The following EFHC2 variants were observed in gnomAD, a reference collection of about 807,000 sequenced individuals.
The protein encoded by EFHC2 is EF-hand domain-containing family member C2.
Under a neutral mutation model 52.7 loss-of-function variants are expected in EFHC2, and 18 were observed. The ratio of observed to expected loss-of-function variants is 0.34; its 90% CI spans 0.24 to 0.51. The LOEUF is 0.51. Among genes scored for constraint, EFHC2 ranks in the 20% least tolerant of loss-of-function variants. The pLI is 0.97. For synonymous variants in EFHC2, 203 were observed against 204.1 expected, an observed-to-expected ratio of 0.99 and a Z score of 0.04; for missense variants, 513 against 562.5, an observed-to-expected ratio of 0.91 and a Z score of 0.89.
rs142455451 is a variant in EFHC2, at chrX:44,174,699, G to A, written c.2042+1593C>T. Among the ~76,000 whole-genome samples the A allele has an allele frequency of 2.7e-4, 29 of 107,474 alleles. No homozygotes were observed. The East Asian group carries it at 8.2e-3, about 31-fold the overall frequency. 93.3% of individuals were successfully genotyped at this position (107,474 alleles called of 115,157 possible). On this transcript the variant is annotated intron_variant, in intron 13 of 14. Coordinates refer to ENST00000420999, the MANE Select transcript of EFHC2 (RefSeq NM_025184.4). Reference sequence around the variant, plus strand: ...GAGGTATATGTGTAATATGCTAAACGGCCCATGTGGCTGGACTACTGGGAA... The same window carrying A: ...GAGGTATATGTGTAATATGCTAAACAGCCCATGTGGCTGGACTACTGGGAA...
chrX:44,293,311 G>A (rs890078829), intron 2 of EFHC2, among the ~76,000 whole-genome samples: 2 of 111,014 alleles, frequency 1.8e-5, no homozygotes, highest in Admixed American at 9.5e-5. Flanking sequence ...AAGTGCCCCT[G>A]ATTTTATCAA....
intron 14 of EFHC2, among the ~76,000 whole-genome samples, chrX:44,157,517 C>G (rs1304922288): frequency 1.8e-5 from 2 of 111,232 alleles, no homozygotes; most frequent in East Asian, 5.7e-4. Context: ...TGTGAAGCAG[C>G]ATCAGGAGAT....
At chrX:44,226,992 TCA>T (rs2037238076) in intron 11 of EFHC2, among the ~76,000 whole-genome samples, 2 of 109,480 alleles carry the variant, frequency 1.8e-5, no homozygotes, top group Non-Finnish European at 3.8e-5. Context: ...GAGAATTATC[TCA>T]GAGAATTATT....
At chrX:44,222,864 T>C (rs1238182867) in intron 11 of EFHC2, among the ~76,000 whole-genome samples, 1 of 111,710 alleles carries the variant, frequency 9.0e-6, no homozygotes, top group African/African-American at 3.3e-5. Flanking sequence ...AACTCACATA[T>C]CTATCACCTC....
At chrX:44,329,764 G>A (rs1016309223) in intron 1 of EFHC2, among the ~76,000 whole-genome samples, 4 of 108,094 alleles carry the variant, frequency 3.7e-5, no homozygotes, top group African/African-American at 1.4e-4. Flanking sequence ...CACCACACCG[G>A]GCTTTTTTGT....
intron 2 of EFHC2, among the ~76,000 whole-genome samples, chrX:44,289,149 T>A (rs776548095): frequency 1.8e-5 from 2 of 111,780 alleles, no homozygotes; most frequent in South Asian, 7.5e-4. Context: ...TGTTATTCTT[T>A]TATCTTTCAA....
At chrX:44,211,705 CA>C (rs1219542584) in intron 11 of EFHC2, among the ~76,000 whole-genome samples, 1 of 106,352 alleles carries the variant, frequency 9.4e-6, no homozygotes, top group African/African-American at 3.4e-5. Flanking sequence ...ACTAAACATA[CA>C]AAAAAAATAC....
intron 4 of EFHC2, among the ~76,000 whole-genome samples, chrX:44,254,361 G>T (rs373942383): frequency 8.9e-6 from 1 of 111,913 alleles, no homozygotes; most frequent in African/African-American, 3.3e-5. Context: ...ATGCAAGGAA[G>T]CTAAGAACCT....
chrX:44,160,807 A>G (rs970100710), intron 14 of EFHC2, among the ~76,000 whole-genome samples: 1 of 111,071 alleles, frequency 9.0e-6, no homozygotes, highest in East Asian at 2.8e-4. Context: ...CTATAGTCCC[A>G]GCTACTCAGG....
intron 14 of EFHC2, among the ~76,000 whole-genome samples, chrX:44,158,878 C>G (rs1432745186): frequency 8.9e-6 from 1 of 112,007 alleles, no homozygotes; most frequent in South Asian, 3.7e-4. Context: ...GGTTGCCAAG[C>G]TGTGATATAC....
chrX:44,196,023 C>T (rs1338665550), intron 11 of EFHC2, among the ~76,000 whole-genome samples: 1 of 111,518 alleles, frequency 9.0e-6, no homozygotes, highest in Non-Finnish European at 1.9e-5. Flanking sequence ...TTCAGGTGAT[C>T]CTCCCACCTC....
At chrX:44,286,951 A>G (rs1348056131) in intron 2 of EFHC2, among the ~76,000 whole-genome samples, 37 of 99,395 alleles carry the variant, frequency 3.7e-4, no homozygotes, top group African/African-American at 1.2e-3. Flanking sequence ...ACTTGAATCC[A>G]GGAGTCTCAG....
intron 11 of EFHC2, among the ~76,000 whole-genome samples, chrX:44,184,639 C>T (rs1382339063): frequency 9.3e-6 from 1 of 107,544 alleles, no homozygotes; most frequent in Non-Finnish European, 1.9e-5. Flanking sequence ...AGAAGAATCG[C>T]TTGAACCTGG....
In EFHC2 at chrX:44,232,582, C is replaced by G. The variant is rs3747354; in HGVS notation, c.1519G>C (p.Glu507Gln). 5.1e-3 allele frequency: 6,077 copies of G among 1,193,311 alleles called. 127 individuals carry two copies. The East Asian group carries it at 0.087, about 17-fold the overall frequency. The change falls in exon 10 of 15, where the codon GAG (glutamate) becomes CAG (glutamine). Residue 507 changes from glutamate (E) to glutamine (Q), a missense_variant. Physicochemically the swap from Glu to Gln is conservative, Grantham distance 29 (BLOSUM62 2). Coordinates refer to ENST00000420999, the MANE Select transcript of EFHC2 (RefSeq NM_025184.4). The stretch of plus-strand genomic sequence containing the variant: ...TTCACCGTGACTCCAATGTACAGCT[C>G]CTCGGCCTTGATATATTCAGATAGT... ...SELSEYIKAE[E>Q]LYIGVTVNVN...
intron 4 of EFHC2, 69 bp from the exon 5 acceptor site, chrX:44,250,514 A>G (rs1006695168): frequency 4.9e-5 from 53 of 1,083,846 alleles, no homozygotes; most frequent in Non-Finnish European, 6.0e-5. Flanking sequence ...ATACACAATC[A>G]AGTGACAAAT....
At chrX:44,332,243 G>GT (rs1293425613) in intron 1 of EFHC2, among the ~76,000 whole-genome samples, 44 of 111,346 alleles carry the variant, frequency 4.0e-4, no homozygotes, top group African/African-American at 1.4e-3. Context: ...TAACAGAACA[G>GT]TATGTTTCAA....
In EFHC2 at chrX:44,315,591, T is replaced by A. The variant is rs923824568; in HGVS notation, c.43-2835A>T. Reference sequence around the variant, plus strand: ...AACTAGTGGAGCCTGCATCTGAACCTAAGATCATGTGACCCTAAGCTCTGG... The same window carrying A: ...AACTAGTGGAGCCTGCATCTGAACCAAAGATCATGTGACCCTAAGCTCTGG... On this transcript the variant is annotated intron_variant, in intron 1 of 14. Coordinates refer to ENST00000420999, the MANE Select transcript of EFHC2 (RefSeq NM_025184.4). Among the ~76,000 whole-genome samples the A allele has an allele frequency of 2.7e-5, 3 of 111,252 alleles. No individual in the cohort carries two copies. The East Asian group carries it at 8.5e-4, about 32-fold the overall frequency.
chrX:44,265,127 A>C (rs2037567146), intron 3 of EFHC2, among the ~76,000 whole-genome samples: 1 of 111,863 alleles, frequency 8.9e-6, no homozygotes, highest in Non-Finnish European at 1.9e-5. Context: ...GATCAAAGTG[A>C]CCATATATCC....
At chrX:44,240,571 C>T (rs1011854989) in intron 8 of EFHC2, among the ~76,000 whole-genome samples, 1 of 112,148 alleles carries the variant, frequency 8.9e-6, no homozygotes, top group African/African-American at 3.2e-5. Context: ...CTTCGGGTGG[C>T]TGTCCTTAAA....
Sources: allele counts gnomAD v4.1 joint callset (sites outside exome capture counted in the v4.1 genomes callset), GRCh38; gene constraint gnomAD v4.1.1; transcripts MANE v1.5; gene names NCBI Gene and HGNC (gene_info 2026-07-23, HGNC 2026-07-21).